Variants in ARHGEF7 observed in about 807,000 individuals in gnomAD.
ARHGEF7 encodes the protein Rho guanine nucleotide exchange factor 7, also known as PAK-interacting exchange factor beta.
Under a neutral mutation model 109.8 loss-of-function variants are expected in ARHGEF7, and 33 were observed. The ratio of observed to expected loss-of-function variants is 0.30; its 90% CI spans 0.23 to 0.40. The LOEUF (loss-of-function observed/expected upper bound fraction) is 0.40, where lower values mean the gene tolerates loss of function less well. Among genes scored for constraint, ARHGEF7 ranks in the 10% least tolerant of loss-of-function variants. The pLI is 1.00. For synonymous variants in ARHGEF7, 458 were observed against 424.6 expected, an observed-to-expected ratio of 1.08 and a Z score of -0.97; for missense variants, 938 against 1,098.5, an observed-to-expected ratio of 0.85 and a Z score of 2.07.
At chr13:111,204,737 G>A (rs2081577820) in intron 2 of ARHGEF7, among the ~76,000 whole-genome samples, 1 of 152,104 alleles carries the variant, frequency 6.6e-6, no homozygotes, top group Non-Finnish European at 1.5e-5. Flanking sequence ...TGAGGGTGGT[G>A]GTCTCTTGTC....
intron 15 of ARHGEF7, chr13:111,281,147 AGAAAAGC>A (rs1230315538): frequency 2.7e-5 from 4 of 147,516 alleles, no homozygotes; most frequent in African/African-American, 9.9e-5. Context: ...TCTTTTACTT[AGAAAAGC>A]TCAACAAGTC....
At chr13:111,281,527 A>G (rs1411144881) in intron 15 of ARHGEF7, among the ~76,000 whole-genome samples, 1 of 152,196 alleles carries the variant, frequency 6.6e-6, no homozygotes, top group Non-Finnish European at 1.5e-5. Flanking sequence ...TTCAGAGTCC[A>G]TCTGATTTCT....
chr13:111,133,196 T>C (rs530065092), intron 1 of ARHGEF7, among the ~76,000 whole-genome samples: 1 of 152,230 alleles, frequency 6.6e-6, no homozygotes, highest in South Asian at 2.1e-4. Flanking sequence ...TATGTGTATA[T>C]ATGCGTGTAT....
chr13:111,288,552 T>C, intron 18 of ARHGEF7, 109 bp downstream of exon 18: 3 of 681,986 alleles, frequency 4.4e-6, no homozygotes, highest in Non-Finnish European at 7.0e-6. Flanking sequence ...CCCATGCGCC[T>C]GACCTCCCAG....
chr13:111,139,860 A>G (rs1479159367), intron 1 of ARHGEF7, among the ~76,000 whole-genome samples: 2 of 152,242 alleles, frequency 1.3e-5, no homozygotes, highest in Non-Finnish European at 2.9e-5. Context: ...AGCTGGCCGC[A>G]GGCAGAGCCA....
At chr13:111,123,455 G>A (rs1227165748) in intron 1 of ARHGEF7, among the ~76,000 whole-genome samples, 4 of 151,658 alleles carry the variant, frequency 2.6e-5, no homozygotes, top group Non-Finnish European at 5.9e-5. Flanking sequence ...CAGCCACTGA[G>A]GTTTACCATG....
chr13:111,253,802 C>T (rs534199332), intron 8 of ARHGEF7, among the ~76,000 whole-genome samples: 5 of 152,312 alleles, frequency 3.3e-5, no homozygotes, highest in Admixed American at 3.3e-4. Context: ...CCCCCGATCC[C>T]TATACTTTGT....
intron 21 of ARHGEF7, 127 bp downstream of exon 21, chr13:111,301,659 G>A (rs573072639): frequency 1.7e-4 from 111 of 671,270 alleles, no homozygotes; most frequent in Non-Finnish European, 2.6e-4. Context: ...TTAGAAGGCC[G>A]AGGTGGACAG....
chr13:111,120,448 C>A (rs1314448845), intron 1 of ARHGEF7, among the ~76,000 whole-genome samples: 1 of 151,684 alleles, frequency 6.6e-6, no homozygotes, highest in Non-Finnish European at 1.5e-5. Context: ...CAAACATGCA[C>A]ATACGTAAAC....
chr13:111,153,714 A>G (rs1018457959), intron 1 of ARHGEF7, 191 bp from the exon 2 acceptor site: 107 of 1,319,150 alleles, frequency 8.1e-5, no homozygotes, highest in Admixed American at 1.3e-4. Context: ...CCGGAGGAAG[A>G]AAAAAGGGTG....
Position 111,267,626 on chromosome 13 carries a change from T to C in ARHGEF7, c.1029T>C (p.Tyr343=), listed in dbSNP as rs748328744. The change falls in exon 9 of 22, where the codon TAT becomes TAC. Residue 343 remains tyrosine (Y), a synonymous_variant. Transcript: ENST00000646102. ...AGATGAAAACCCTGTACCTCACGTA[T>C]TGTGCCAATCACCCTTCTGCAGTGA... is the stretch of plus-strand genomic sequence containing the variant. The part of the protein sequence containing the change: ...MPQMKTLYLT[Y]CANHPSAVNV... The C allele has an allele frequency of 2.5e-6, 4 of 1,614,142 alleles. No individual in the cohort carries two copies. Among genetic ancestry groups the C allele is most frequent in the Non-Finnish European group, 2.5e-6 (3 of 1,179,964 alleles).
chr13:111,278,905 G>C (rs1002356317), intron 13 of ARHGEF7, among the ~76,000 whole-genome samples: 5 of 152,190 alleles, frequency 3.3e-5, no homozygotes, highest in South Asian at 2.1e-4. Context: ...ATTTGCCCTT[G>C]ATGTGTTGAC....
At chr13:111,183,069 G>T (rs183880607) in intron 2 of ARHGEF7, among the ~76,000 whole-genome samples, 1 of 152,312 alleles carries the variant, frequency 6.6e-6, no homozygotes, top group East Asian at 1.9e-4. Context: ...TCAGTTTACA[G>T]TGGGTTTAAC....
intron 6 of ARHGEF7, among the ~76,000 whole-genome samples, chr13:111,237,616 T>C (rs545514271): frequency 2.0e-5 from 3 of 152,362 alleles, no homozygotes; most frequent in East Asian, 1.9e-4. Context: ...TTATTTGTTA[T>C]AGTAATAAAT....
intron 2 of ARHGEF7, among the ~76,000 whole-genome samples, chr13:111,195,676 C>G (rs1336204262): frequency 6.6e-6 from 1 of 152,190 alleles, no homozygotes; most frequent in Non-Finnish European, 1.5e-5. Context: ...CCATTGCACT[C>G]TGGGGCAGTG....
At chr13:111,161,227 T>C (rs926554053) in intron 2 of ARHGEF7, among the ~76,000 whole-genome samples, 7 of 152,264 alleles carry the variant, frequency 4.6e-5, no homozygotes, top group Admixed American at 2.0e-4. Flanking sequence ...AATGGTTAGC[T>C]TGGCACACTC....
intron 3 of ARHGEF7, among the ~76,000 whole-genome samples, chr13:111,205,574 A>G: frequency 6.6e-6 from 1 of 152,196 alleles, no homozygotes; most frequent in East Asian, 1.9e-4. Context: ...GTTCTGGTAT[A>G]TATCAGGTGT....
chr13:111,264,856 C>T (rs545032073), intron 8 of ARHGEF7, among the ~76,000 whole-genome samples: 7 of 152,148 alleles, frequency 4.6e-5, no homozygotes, highest in South Asian at 2.1e-4. Flanking sequence ...TATTATTTAC[C>T]GTAACTACAT....
At chr13:111,238,406 T>G (rs1181932383) in intron 6 of ARHGEF7, among the ~76,000 whole-genome samples, 1 of 152,220 alleles carries the variant, frequency 6.6e-6, no homozygotes, top group East Asian at 1.9e-4. Flanking sequence ...AGCAAAGTGC[T>G]GGACCTTAGA....
Sources: gnomAD v4.1 joint callset for allele counts (sites outside exome capture counted in the v4.1 genomes callset) on GRCh38, gnomAD v4.1.1 for gene constraint, MANE v1.5 for transcripts, NCBI Gene and HGNC (gene_info 2026-07-23, HGNC 2026-07-21) for gene names.